TBC1D16: variants seen among roughly 807,000 people sequenced by gnomAD.
TBC1D16 encodes TBC1 domain family member 16.
In TBC1D16, 58 loss-of-function variants were observed where a neutral mutation model predicts 74.7. The ratio of observed to expected loss-of-function variants is 0.78; its 90% CI spans 0.63 to 0.97. The LOEUF is 0.97. TBC1D16 is among the 50% of genes least tolerant of loss of function. The pLI, the probability that TBC1D16 is intolerant of heterozygous loss-of-function variation, is 0.00. For missense variants in TBC1D16, 1,014 were observed against 1,079.5 expected, an observed-to-expected ratio of 0.94 and a Z score of 0.85; for synonymous variants, 493 against 474.7, an observed-to-expected ratio of 1.04 and a Z score of -0.50.
intron 3 of TBC1D16, among the ~76,000 whole-genome samples, chr17:79,996,969 C>A (rs2035295729): frequency 6.6e-6 from 1 of 152,166 alleles, no homozygotes; most frequent in Admixed American, 6.6e-5. Flanking sequence ...GGAACAAGTT[C>A]TTGACACACA....
Position 80,009,056 on chromosome 17 carries a change from G to A in TBC1D16, c.779+1104C>T, listed in dbSNP as rs1178602693. On this transcript the variant is annotated intron_variant, in intron 3 of 11. Transcript: ENST00000310924. The surrounding 1 kb of genome is among the most constrained non-coding windows in gnomAD (Gnocchi z 5.4). ...CCGCCCTTTCCCCTTCGATAGCAGG[G>A]GATAATAGGAGGGCCCACCTCACGG... is the stretch of plus-strand genomic sequence containing the variant. 6.6e-6 allele frequency among the ~76,000 whole-genome samples: 1 copy of A among 152,196 alleles called. No individual in the cohort carries two copies. The highest frequency in any genetic ancestry group is 1.5e-5 in the Non-Finnish European group (1 of 68,032).
rs1436257314 is a variant in TBC1D16 at position 79,939,303 on chromosome 17, G to A, written c.*1556C>T. The stretch of plus-strand genomic sequence containing the variant: ...AAAAGGCTCTTAGGCAGACAGACCT[G>A]GGAACTTGGAAGTACCTGCTGGACG... On this transcript the variant is annotated 3_prime_UTR_variant, in exon 12 of 12. Transcript: ENST00000310924. 1 of 152,212 alleles carries A rather than the reference G, an allele frequency of 6.6e-6. No homozygotes were observed. The highest frequency in any genetic ancestry group is 2.4e-5 in the African/African-American group (1 of 41,436). 9.4% of individuals were successfully genotyped at this position (152,212 alleles called of 1,614,324 possible).
At position 79,945,090 on chromosome 17, in the gene TBC1D16, G is replaced by T. The variant is rs1172391828; in HGVS notation, c.1729-3C>A. ...CGCAGCAGCTCGCGCAGGTACAGCT[G>T]GGGGTGAGGCCGTCACGCGTTAGTT... is the stretch of plus-strand genomic sequence containing the variant. On this transcript the variant is annotated splice_region_variant and splice_polypyrimidine_tract_variant and intron_variant, in intron 9 of 11. Transcript: ENST00000310924. The T allele has an allele frequency of 3.2e-6, 5 of 1,576,290 alleles. No homozygotes were observed. The highest frequency in any genetic ancestry group is 2.3e-5 in the East Asian group (1 of 43,468).
chr17:79,969,933 C>G (rs2034008648), intron 3 of TBC1D16, among the ~76,000 whole-genome samples: 1 of 152,018 alleles, frequency 6.6e-6, no homozygotes, highest in South Asian at 2.1e-4. Context: ...CAGAACGAGA[C>G]TCCATCTCAA....
intron 1 of TBC1D16, among the ~76,000 whole-genome samples, chr17:80,021,821 C>G (rs925608030): frequency 6.6e-6 from 1 of 150,474 alleles, no homozygotes; most frequent in African/African-American, 2.5e-5. Flanking sequence ...ACACATCCAC[C>G]ACAGATGCAC....
intron 3 of TBC1D16, among the ~76,000 whole-genome samples, chr17:79,977,846 T>G (rs1014229705): frequency 1.3e-5 from 2 of 152,188 alleles, no homozygotes; most frequent in African/African-American, 4.8e-5. Flanking sequence ...CCCAGCCGGC[T>G]GTGCACGGGA....
At chr17:79,973,553 C>CAA (rs796935109) in intron 3 of TBC1D16, among the ~76,000 whole-genome samples, 1 of 151,452 alleles carries the variant, frequency 6.6e-6, no homozygotes, top group African/African-American at 2.4e-5. Context: ...ACTAAAAATA[C>CAA]AAAAAAAATA....
intron 3 of TBC1D16, among the ~76,000 whole-genome samples, chr17:79,978,737 G>A (rs530135805): frequency 2.6e-5 from 4 of 152,282 alleles, no homozygotes; most frequent in African/African-American, 9.6e-5. Flanking sequence ...GTGATTACAC[G>A]GTGTTATTCA....
rs1169475748 is a variant in TBC1D16, at chr17:79,950,720, G to C, written c.1090-142C>G. ...GTCCCCTGCATACAAACCCCTAAAT[G>C]GCGAGTGTAATTAGGCGCAATTAAA... On this transcript the variant is annotated intron_variant, in intron 5 of 11. Transcript: ENST00000310924. This position sits in a 1 kb window ranked among gnomAD's most constrained non-coding sequence, Gnocchi z 4.6. 6 of 1,538,076 alleles carry C rather than the reference G, an allele frequency of 3.9e-6. No homozygotes were observed. The Admixed American group carries it at 1.2e-4, about 30-fold the overall frequency.
At chr17:80,024,564 G>GGCACACACACC (rs1598443292) in intron 1 of TBC1D16, among the ~76,000 whole-genome samples, 34 of 130,146 alleles carry the variant, frequency 2.6e-4, no homozygotes, top group African/African-American at 5.5e-4. Context: ...CACCACACAC[G>GGCACACACACC]ACACACCATA....
chr17:79,999,677 G>C (rs1342916235), intron 3 of TBC1D16, among the ~76,000 whole-genome samples: 1 of 150,344 alleles, frequency 6.7e-6, no homozygotes, highest in Admixed American at 6.7e-5. Context: ...CGAGTAGCTG[G>C]AATTACAGGC....
At chr17:80,025,196 C>T (rs952050591) in intron 1 of TBC1D16, among the ~76,000 whole-genome samples, 5 of 149,202 alleles carry the variant, frequency 3.4e-5, no homozygotes, top group Non-Finnish European at 5.9e-5. Context: ...ATGACACACA[C>T]GCACCCCATG....
intron 1 of TBC1D16, among the ~76,000 whole-genome samples, chr17:80,034,575 C>A (rs974964936): frequency 9.9e-5 from 15 of 152,176 alleles, no homozygotes; most frequent in Non-Finnish European, 1.9e-4. Context: ...AAAAAATATG[C>A]GCACAATAAC....
chr17:80,024,573 T>A (rs1253605839), intron 1 of TBC1D16, among the ~76,000 whole-genome samples: 1 of 37,606 alleles, frequency 2.7e-5, no homozygotes. Context: ...CGACACACCA[T>A]AGGCACACAC....
At chr17:79,977,185 C>A (rs1438040436) in intron 3 of TBC1D16, among the ~76,000 whole-genome samples, 1 of 152,218 alleles carries the variant, frequency 6.6e-6, no homozygotes, top group East Asian at 1.9e-4. Context: ...ACGTCCAAAG[C>A]TTTCCTGAAG....
chr17:79,960,521 T>C (rs1318373333), intron 3 of TBC1D16, among the ~76,000 whole-genome samples: 8 of 151,980 alleles, frequency 5.3e-5, no homozygotes, highest in Non-Finnish European at 1.2e-4. Context: ...TTTGGGAAGC[T>C]GAGGCGGGTG....
At chr17:80,006,572 G>A (rs998545870) in intron 3 of TBC1D16, among the ~76,000 whole-genome samples, 2 of 152,246 alleles carry the variant, frequency 1.3e-5, no homozygotes, top group South Asian at 2.1e-4. Flanking sequence ...GGCCAGAAGC[G>A]CACAGGAGCA....
rs894872 is a variant in TBC1D16, at chr17:79,937,175, T to G, written c.*3684A>C. Reference sequence around the variant, plus strand: ...GATTTCATTCCCCAGAGGGCACAGCTTGGGCAGATTCCCATCATCTAGGGG... The same window carrying G: ...GATTTCATTCCCCAGAGGGCACAGCGTGGGCAGATTCCCATCATCTAGGGG... On this transcript the variant is annotated 3_prime_UTR_variant, in exon 12 of 12. Coordinates refer to ENST00000310924, the MANE Select transcript of TBC1D16 (RefSeq NM_019020.4). 45,236 of 152,008 alleles carry G rather than the reference T, an allele frequency of 0.3. 7,002 individuals carry two copies. Among genetic ancestry groups the G allele is most frequent in the East Asian group, 0.42 (2,158 of 5,140 alleles). The allele number at this position is 152,008 out of a possible 1,614,324, so 9.4% of individuals were successfully genotyped here.
chr17:80,016,161 T>TTTG (rs1348121252), intron 1 of TBC1D16, among the ~76,000 whole-genome samples: 21 of 151,532 alleles, frequency 1.4e-4, no homozygotes. Context: ...AACAAATCAG[T>TTTG]CACAAGAGAC....
Sources: gnomAD v4.1 joint callset for allele counts (sites outside exome capture counted in the v4.1 genomes callset) on GRCh38, gnomAD v4.1.1 for gene constraint, Gnocchi (gnomAD v3.1) non-coding constraint, MANE v1.5 for transcripts, NCBI Gene and HGNC (gene_info 2026-07-23, HGNC 2026-07-21) for gene names.